ST6GALNAC3: variants seen among roughly 807,000 people sequenced by gnomAD.
ST6GALNAC3 encodes the protein alpha-N-acetylgalactosaminide alpha-2,6-sialyltransferase 3.
In ST6GALNAC3, 25 loss-of-function variants were observed where a neutral mutation model predicts 32.7. The ratio of observed to expected loss-of-function variants is 0.76; its 90% CI spans 0.56 to 1.07. The LOEUF (loss-of-function observed/expected upper bound fraction) is 1.07. Ranked by LOEUF, ST6GALNAC3 falls within the 50% of genes least tolerant of loss-of-function variation. ST6GALNAC3 has a pLI of 0.00. For missense variants in ST6GALNAC3, 355 were observed against 382.4 expected (o/e 0.93, Z 0.60); for synonymous variants, 129 against 133.1 (o/e 0.97, Z 0.21).
chr1:76,562,441 A>G (rs1325907199), intron 3 of ST6GALNAC3, among the ~76,000 whole-genome samples: 1 of 152,148 alleles, frequency 6.6e-6, no homozygotes, highest in Non-Finnish European at 1.5e-5. Flanking sequence ...AGTGGGAACA[A>G]ATGCAGGATG....
intron 3 of ST6GALNAC3, among the ~76,000 whole-genome samples, chr1:76,430,413 T>TC (rs902873170): frequency 6.6e-6 from 1 of 152,180 alleles, no homozygotes; most frequent in African/African-American, 2.4e-5. Flanking sequence ...TGCCAACTAG[T>TC]CCCTACAGTT....
At chr1:76,587,452 A>G (rs1646979442) in intron 3 of ST6GALNAC3, among the ~76,000 whole-genome samples, 1 of 152,174 alleles carries the variant, frequency 6.6e-6, no homozygotes, top group African/African-American at 2.4e-5. Context: ...AGTTCTCTAG[A>G]TGCTGAGAGT....
intron 2 of ST6GALNAC3, among the ~76,000 whole-genome samples, chr1:76,359,707 G>C (rs1385476678): frequency 6.6e-6 from 1 of 152,128 alleles, no homozygotes; most frequent in Non-Finnish European, 1.5e-5. Context: ...GCAGTGTAGA[G>C]AATGTTTTGG....
chr1:76,313,979 A>G lies in ST6GALNAC3; in HGVS notation c.193A>G (p.Ile65Val), dbSNP rs137968480. ...GCCCCTTCGAACTCACTATGGATAC[A>G]TAAATGTGAAGACACAAGAGGTAAG... ...RRPLRTHYGY[I>V]NVKTQEPLQL... Residue 65 changes from isoleucine to valine, a missense_variant, in exon 2 of 5, where the codon ATA becomes GTA. Coordinates refer to ENST00000328299, the MANE Select transcript of ST6GALNAC3 (RefSeq NM_152996.4). 2 of 1,612,440 alleles carry G rather than the reference A, an allele frequency of 1.2e-6. No homozygotes were observed. Among genetic ancestry groups the G allele is most frequent in the Non-Finnish European group, 1.7e-6 (2 of 1,179,248 alleles).
intron 1 of ST6GALNAC3, among the ~76,000 whole-genome samples, chr1:76,150,014 G>A (rs1230766267): frequency 6.6e-6 from 1 of 152,232 alleles, no homozygotes; most frequent in Non-Finnish European, 1.5e-5. Flanking sequence ...GAGCTCTGCT[G>A]GGAAGAATGG....
intron 2 of ST6GALNAC3, among the ~76,000 whole-genome samples, chr1:76,370,660 C>G (rs1291651255): frequency 1.3e-5 from 2 of 151,972 alleles, no homozygotes; most frequent in Non-Finnish European, 2.9e-5. Context: ...TAAGATGAAC[C>G]ATCACTTTTT....
In ST6GALNAC3 at chr1:76,212,689, T is replaced by C. The variant is rs528570624; in HGVS notation, c.19-101116T>C. ...TTTTTTTCCCCGCTAGAAAAGAGGG[T>C]TTTTCAGGCCACTTTGAAATTCAGG... On this transcript the variant is annotated intron_variant, in intron 1 of 4. Transcript: ENST00000328299. 4.6e-5 allele frequency among the ~76,000 whole-genome samples: 7 copies of C among 151,800 alleles called. No individual in the cohort carries two copies. The South Asian group carries it at 1.5e-3, about 32-fold the overall frequency.
intron 1 of ST6GALNAC3, among the ~76,000 whole-genome samples, chr1:76,180,570 C>T (rs967712352): frequency 5.3e-5 from 8 of 152,030 alleles, no homozygotes; most frequent in African/African-American, 1.9e-4. Context: ...TATCCTATAC[C>T]CATATAAACC....
chr1:76,436,149 TAAAGCATTCGAATGCAA>T (rs1221124899), intron 3 of ST6GALNAC3, among the ~76,000 whole-genome samples: 2 of 152,178 alleles, frequency 1.3e-5, no homozygotes, highest in African/African-American at 4.8e-5. Context: ...TCTTTTGTAT[TAAAGCATTCGAATGCAA>T]AAAGTGTAAA....
chr1:76,433,625 A>G (rs952362948), intron 3 of ST6GALNAC3, among the ~76,000 whole-genome samples: 1 of 152,204 alleles, frequency 6.6e-6, no homozygotes, highest in African/African-American at 2.4e-5. Flanking sequence ...ACCACCAAGC[A>G]TAACCACAAT....
chr1:76,202,474 G>T (rs1372488844), intron 1 of ST6GALNAC3, among the ~76,000 whole-genome samples: 1 of 152,080 alleles, frequency 6.6e-6, no homozygotes, highest in East Asian at 1.9e-4. Flanking sequence ...GAAGAGTGAA[G>T]AGCACCCCAC....
chr1:76,117,415 TCAC>T (rs1438608326), intron 1 of ST6GALNAC3, among the ~76,000 whole-genome samples: 19 of 152,338 alleles, frequency 1.2e-4, no homozygotes. Flanking sequence ...AAGTGAACTT[TCAC>T]TTGTAGCAGT....
rs190984462 is a variant in ST6GALNAC3, at chr1:76,340,471, G to A, written c.213+26472G>A. Among the ~76,000 whole-genome samples the A allele has an allele frequency of 2.2e-3, 328 of 152,206 alleles. 1 individual carries two copies. The highest frequency in any genetic ancestry group is 7.4e-3 in the African/African-American group (309 of 41,548). On this transcript the variant is annotated intron_variant, in intron 2 of 4. Coordinates refer to ENST00000328299, the MANE Select transcript of ST6GALNAC3 (RefSeq NM_152996.4). ...CCAGAGCAGTCGGCTTTTCTGTCATGGGGGCATACAAAGAGAGAAATCATC... is the reference window on the plus strand; with the variant it reads ...CCAGAGCAGTCGGCTTTTCTGTCATAGGGGCATACAAAGAGAGAAATCATC...
intron 1 of ST6GALNAC3, among the ~76,000 whole-genome samples, chr1:76,082,435 G>T (rs1314399515): frequency 6.6e-6 from 1 of 152,132 alleles, no homozygotes; most frequent in African/African-American, 2.4e-5. Flanking sequence ...AGAAAAAAGG[G>T]GGTGCTAAAC....
At chr1:76,351,572 T>C (rs1257271413) in intron 2 of ST6GALNAC3, among the ~76,000 whole-genome samples, 1 of 152,118 alleles carries the variant, frequency 6.6e-6, no homozygotes, top group Admixed American at 6.5e-5. Flanking sequence ...TGTTTGCCCA[T>C]TTTGTTCGTT....
intron 3 of ST6GALNAC3, among the ~76,000 whole-genome samples, chr1:76,602,020 AT>A (rs1286632325): frequency 1.3e-5 from 2 of 152,174 alleles, no homozygotes; most frequent in East Asian, 1.9e-4. Flanking sequence ...GGAGGAAGAC[AT>A]TTAGAGACTC....
downstream of ST6GALNAC3, among the ~76,000 whole-genome samples, chr1:76,636,209 G>A (rs1649502257): frequency 6.6e-6 from 1 of 152,116 alleles, no homozygotes; most frequent in Admixed American, 6.5e-5. Context: ...AAGCAAGAGA[G>A]AAACTGGCAC....
chr1:76,628,859 C>A lies in ST6GALNAC3; in HGVS notation c.*53C>A. The A allele has an allele frequency of 6.3e-7, 1 of 1,591,866 alleles. No homozygotes were observed. Among genetic ancestry groups the A allele is most frequent in the East Asian group, 2.2e-5 (1 of 44,636 alleles). On this transcript the variant is annotated 3_prime_UTR_variant, in exon 5 of 5. Transcript: ENST00000328299. ...ACTTAATGTGATCCCCATACTGCAA[C>A]TGTGATGCTGATGATGCTAATGGAG... is the stretch of plus-strand genomic sequence containing the variant.
intron 3 of ST6GALNAC3, among the ~76,000 whole-genome samples, chr1:76,603,325 T>C (rs1647319937): frequency 6.6e-6 from 1 of 152,186 alleles, no homozygotes; most frequent in South Asian, 2.1e-4. Flanking sequence ...CAAATATCCA[T>C]TGACAGAAGG....
Sources: gnomAD v4.1 joint callset for allele counts (sites outside exome capture counted in the v4.1 genomes callset) on GRCh38, gnomAD v4.1.1 for gene constraint, MANE v1.5 for transcripts, NCBI Gene and HGNC (gene_info 2026-07-23, HGNC 2026-07-21) for gene names.